CIAO1: variants seen among roughly 807,000 people sequenced by gnomAD.
CIAO1 encodes cytosolic iron-sulfur assembly component 1, also known as probable cytosolic iron-sulfur protein assembly protein CIAO1.
CIAO1 carries 32 observed loss-of-function variants against 43.1 expected under a neutral mutation model. The ratio of observed to expected loss-of-function variants is 0.74; its 90% confidence interval spans 0.56 to 1.00. CIAO1 has a LOEUF of 1.00. CIAO1 is among the 50% of genes least tolerant of loss of function. The probability of loss-of-function intolerance (pLI) is 0.00; values close to 1 mark genes in which losing one functional copy is unlikely to be tolerated. For missense variants in CIAO1, 415 were observed against 437.4 expected (o/e 0.95, Z 0.46); for synonymous variants, 183 against 171.4 (o/e 1.07, Z -0.53).
rs768689225 is a variant in CIAO1, at chr2:96,269,252, G to A, written c.692-16G>A. On this transcript the variant is annotated splice_polypyrimidine_tract_variant and intron_variant, in intron 5 of 6. Coordinates refer to ENST00000488633, the MANE Select transcript of CIAO1 (RefSeq NM_004804.3). Reference sequence around the variant, plus strand: ...GACATAGGAACGTTTAAGGGCAAGAGAAGTCTGTCTTGCAGGGGTGGCATG... The same window carrying A: ...GACATAGGAACGTTTAAGGGCAAGAAAAGTCTGTCTTGCAGGGGTGGCATG... The A allele has an allele frequency of 1.7e-5, 27 of 1,611,246 alleles. No individual in the cohort carries two copies. The highest frequency in any genetic ancestry group is 2.3e-5 in the Non-Finnish European group (27 of 1,177,342).
chr2:96,272,925 A>G lies in CIAO1; in HGVS notation c.*1574A>G, dbSNP rs1251619519. On this transcript the variant is annotated 3_prime_UTR_variant, in exon 7 of 7. Transcript: ENST00000488633. ...ATGGGTGCCTTGAGGAAAAGCAGTT[A>G]CACAGTTGAGTTGCAAGCTGAATTG... 6.6e-6 allele frequency: 1 copy of G among 151,224 alleles called. No individual in the cohort carries two copies. Among genetic ancestry groups the G allele is most frequent in the Non-Finnish European group, 1.5e-5 (1 of 68,032 alleles). The allele number at this position is 151,224 out of a possible 1,614,324, so 9.4% of individuals were successfully genotyped here.
Position 96,267,863 on chromosome 2 carries a change from T to A in CIAO1, c.428T>A (p.Val143Asp). 1.3e-5 allele frequency: 21 copies of A among 1,614,122 alleles called. No individual in the cohort carries two copies. Among genetic ancestry groups the A allele is most frequent in the Non-Finnish European group, 1.8e-5 (21 of 1,180,002 alleles). The change falls in exon 4 of 7, where the codon GTC (valine) becomes GAC (aspartate). Residue 143 changes from valine to aspartate, a missense_variant. By Grantham distance (152) the Val-to-Asp change is radical. Coordinates refer to ENST00000488633, the MANE Select transcript of CIAO1 (RefSeq NM_004804.3). ...GATGAAGAGGATGAGTATGAATGTG[T>A]CAGTGTTCTCAACTCCCACACACAG... ...EVDEEDEYEC[V>D]SVLNSHTQDV...
At chr2:96,269,242 A>G (rs749850437) in intron 5 of CIAO1, 26 bp from the exon 6 acceptor site, 1 of 1,606,090 alleles carries the variant, frequency 6.2e-7, no homozygotes, top group South Asian at 1.1e-5. Flanking sequence ...AGGAACGTTT[A>G]AGGGCAAGAG....
intron 4 of CIAO1, 21 bp downstream of exon 4, chr2:96,267,945 C>G: frequency 6.3e-7 from 1 of 1,598,588 alleles, no homozygotes; most frequent in Non-Finnish European, 8.6e-7. Flanking sequence ...AGCAGGGACT[C>G]TTGTGGGAAG....
intron 6 of CIAO1, among the ~76,000 whole-genome samples, chr2:96,270,200 A>G (rs914442811): frequency 2.6e-5 from 4 of 152,168 alleles, no homozygotes; most frequent in African/African-American, 9.7e-5. Context: ...GTTTAAAGAA[A>G]GGGGTTAAGA....
In CIAO1 at chr2:96,267,307, C is replaced by T. The variant is rs1161059769; in HGVS notation, c.140-14C>T. On this transcript the variant is annotated splice_polypyrimidine_tract_variant and intron_variant, in intron 1 of 6. Coordinates refer to ENST00000488633, the MANE Select transcript of CIAO1 (RefSeq NM_004804.3). ...GCACCCAGCTCCAGAGCCTGGCCTG[C>T]GCTCCGCCTTTAGGTGACAGCTGGA... 13 of 1,605,608 alleles carry T rather than the reference C, an allele frequency of 8.1e-6. No homozygotes were observed. Among genetic ancestry groups the T allele is most frequent in the Middle Eastern group, 1.7e-4 (1 of 6,054 alleles).
intron 1 of CIAO1, among the ~76,000 whole-genome samples, 192 bp from the exon 2 acceptor site, chr2:96,267,129 C>T (rs945048072): frequency 1.9e-5 from 2 of 104,366 alleles, no homozygotes; most frequent in East Asian, 2.6e-4. Context: ...GCAAAAACTC[C>T]GTCTCAAAAA....
At chr2:96,267,153 A>AAG (rs1684448730) in intron 1 of CIAO1, 168 bp from the exon 2 acceptor site, 1 of 588,730 alleles carries the variant, frequency 1.7e-6, no homozygotes, top group African/African-American at 1.9e-5. Flanking sequence ...AAAAAAAAAA[A>AAG]AAAAAAAGCT....
At position 96,267,379 on chromosome 2, in the gene CIAO1, G is replaced by C; in HGVS notation, c.198G>C (p.Lys66Asn). The C allele has an allele frequency of 6.2e-7, 1 of 1,614,226 alleles. No homozygotes were observed. The highest frequency in any genetic ancestry group is 8.5e-7 in the Non-Finnish European group (1 of 1,180,036). The change falls in exon 2 of 7, where the codon AAG becomes AAC. Residue 66 changes from lysine to asparagine, a missense_variant. Coordinates refer to ENST00000488633, the MANE Select transcript of CIAO1 (RefSeq NM_004804.3). ...LSEGHQRTVR[K>N]VAWSPCGNYL... ...AAGGCCACCAGCGCACCGTGCGGAA[G>C]GTAGCCTGGTCCCCCTGCGGTAATT... is the stretch of plus-strand genomic sequence containing the variant.
chr2:96,268,519 G>A lies in CIAO1; in HGVS notation c.552G>A (p.Trp184Ter). ...TGTACCGGGAGGAAGAGGATGACTG[G>A]GTATGCTGTGCCACCCTTGAGGGCC... ...VKLYREEEDDWVCCATLEGHE... is the reference protein window; with the variant it reads ...VKLYREEEDD Residue 184 changes from tryptophan (W) to a stop codon, truncating the protein, a stop_gained, in exon 5 of 7, where the codon TGG becomes TGA. Transcript: ENST00000488633. LOFTEE classifies it high-confidence loss of function. The A allele has an allele frequency of 6.2e-7, 1 of 1,614,192 alleles. No individual in the cohort carries two copies. The highest frequency in any genetic ancestry group is 1.6e-4 in the Middle Eastern group (1 of 6,062).
rs1404868650 is a variant in CIAO1 at position 96,273,658 on chromosome 2, A to G, written c.*2307A>G. 6.3e-5 allele frequency among the ~76,000 whole-genome samples: 8 copies of G among 126,358 alleles called. No homozygotes were observed. Among genetic ancestry groups the G allele is most frequent in the African/African-American group, 2.7e-4 (8 of 29,270 alleles). The allele number at this position is 126,358 out of a possible 152,430, so 82.9% of individuals were successfully genotyped here. A position where few individuals can be genotyped will look rare whatever the true frequency, so the allele number is the denominator to read the frequency against. On this transcript the variant is annotated 3_prime_UTR_variant, in exon 7 of 7. Coordinates refer to ENST00000488633, the MANE Select transcript of CIAO1 (RefSeq NM_004804.3). ...AGCCTGGGTGACAGAGCGAGACTCC[A>G]TTTCAAAAAAAAAAAAAAAAAAAAA...
rs916649407 is a variant in CIAO1 at position 96,271,469 on chromosome 2, C to T, written c.*118C>T. On this transcript the variant is annotated 3_prime_UTR_variant, in exon 7 of 7. Transcript: ENST00000488633. ...CCTTCATTTAACTTGGCTCACTTCT[C>T]TTCAGACTTGGGTAGAAGTGCAGAG... 3.1e-6 allele frequency: 4 copies of T among 1,295,976 alleles called. No homozygotes were observed. The highest frequency in any genetic ancestry group is 4.2e-6 in the Non-Finnish European group (4 of 953,168). 80.3% of individuals were successfully genotyped at this position (1,295,976 alleles called of 1,614,324 possible).
At chr2:96,269,927 G>GCA (rs1684514051) in intron 6 of CIAO1, among the ~76,000 whole-genome samples, 1 of 152,100 alleles carries the variant, frequency 6.6e-6, no homozygotes, top group Non-Finnish European at 1.5e-5. Context: ...TTACAGGCAT[G>GCA]AGCCACCGCA....
At chr2:96,267,808 T>C (rs1684465991) in intron 3 of CIAO1, 28 bp from the exon 4 acceptor site, 1 of 1,613,224 alleles carries the variant, frequency 6.2e-7, no homozygotes, top group South Asian at 1.1e-5. Context: ...CAGGGTCGGC[T>C]CTTGGGTCCC....
chr2:96,267,530 A>G (rs1383041076), intron 2 of CIAO1, 61 bp downstream of exon 2: 2 of 1,608,114 alleles, frequency 1.2e-6, no homozygotes, highest in Admixed American at 1.7e-5. Flanking sequence ...TGGTTCAGGA[A>G]CCTGAGCCAA....
chr2:96,266,489 G>A lies in CIAO1; in HGVS notation c.139G>A (p.Gly47Ser), dbSNP rs1054057449. ...DRRIRIWGTE[G>S]DSWICKSVLS... ...GAGAATCCGCATCTGGGGCACGGAG[G>A]GTAAGGCCCAGCCTGGTTGCGCGGC... is the stretch of plus-strand genomic sequence containing the variant. The change falls in exon 1 of 7, where the codon GGT (glycine) becomes AGT (serine). Residue 47 changes from glycine (G) to serine (S), a missense_variant and splice_region_variant. By Grantham distance (56) the Gly-to-Ser change is moderately conservative (BLOSUM62 0). Transcript: ENST00000488633. The A allele has an allele frequency of 5.2e-6, 8 of 1,531,654 alleles. No individual in the cohort carries two copies. The highest frequency in any genetic ancestry group is 4.2e-5 in the African/African-American group (3 of 70,920). 94.9% of individuals were successfully genotyped at this position (1,531,654 alleles called of 1,614,324 possible).
In CIAO1 at chr2:96,267,321, G is replaced by C; in HGVS notation, c.140G>C (p.Gly47Ala). The C allele has an allele frequency of 1.2e-6, 2 of 1,611,780 alleles. No homozygotes were observed. The highest frequency in any genetic ancestry group is 1.7e-6 in the Non-Finnish European group (2 of 1,178,300). The part of the protein sequence containing the change: ...DRRIRIWGTE[G>A]DSWICKSVLS... ...AGCCTGGCCTGCGCTCCGCCTTTAG[G>C]TGACAGCTGGATCTGCAAGTCTGTC... Residue 47 changes from glycine to alanine, a missense_variant and splice_region_variant, in exon 2 of 7, where the codon GGT (glycine) becomes GCT (alanine). Transcript: ENST00000488633.
chr2:96,266,844 G>T (rs1179364090), intron 1 of CIAO1, among the ~76,000 whole-genome samples: 1 of 152,166 alleles, frequency 6.6e-6, no homozygotes, highest in Non-Finnish European at 1.5e-5. Context: ...TTAGAAAGAT[G>T]CCTCCAGAGG....
In CIAO1 at chr2:96,271,415, CCT is replaced by C. The variant is rs1684548147; in HGVS notation, c.*65_*66del. On this transcript the variant is annotated 3_prime_UTR_variant, in exon 7 of 7. Coordinates refer to ENST00000488633, the MANE Select transcript of CIAO1 (RefSeq NM_004804.3). Reference sequence around the variant, plus strand: ...AACGTCATATAAGACTTTACCAGCCCCTGAGAGGACCAGGAGGAGCATCCTTG... The same window carrying C: ...AACGTCATATAAGACTTTACCAGCCCGAGAGGACCAGGAGGAGCATCCTTG... 9.6e-6 allele frequency: 15 copies of C among 1,565,022 alleles called. No individual in the cohort carries two copies. The highest frequency in any genetic ancestry group is 1.8e-5 in the Admixed American group (1 of 57,032).
Sources: gnomAD v4.1 joint callset for allele counts (sites outside exome capture counted in the v4.1 genomes callset) on GRCh38, gnomAD v4.1.1 for gene constraint, MANE v1.5 for transcripts, NCBI Gene and HGNC (gene_info 2026-07-23, HGNC 2026-07-21) for gene names.